Variants in TFDP1 observed in about 807,000 individuals in gnomAD.
The protein encoded by TFDP1 is DRTF1-polypeptide 1.
Under a neutral mutation model 48.0 loss-of-function variants are expected in TFDP1, and 6 were observed. The ratio of observed to expected loss-of-function variants is 0.13; its 90% CI spans 0.07 to 0.25. The LOEUF (loss-of-function observed/expected upper bound fraction) is 0.25. Among genes scored for constraint, TFDP1 ranks in the 10% least tolerant of loss-of-function variants. The pLI, the probability that TFDP1 is intolerant of heterozygous loss-of-function variation, is 1.00. For missense variants in TFDP1, 335 were observed against 543.0 expected (o/e 0.62, Z 3.81); for synonymous variants, 201 against 211.6 (o/e 0.95, Z 0.44).
At chr13:113,637,319 GA>G in intron 10 of TFDP1, 1 of 286,792 alleles carries the variant, frequency 3.5e-6, no homozygotes, top group Non-Finnish European at 6.8e-6. Flanking sequence ...TTTATTCCCT[GA>G]GAGGGTCAGA....
At chr13:113,592,269 C>T (rs1229308289) in intron 2 of TFDP1, among the ~76,000 whole-genome samples, 2 of 152,206 alleles carry the variant, frequency 1.3e-5, no homozygotes, top group African/African-American at 4.8e-5. Context: ...GATTCTCTGA[C>T]CTCAGCCTCC....
rs773766047 is a variant in TFDP1 at position 113,611,086 on chromosome 13, A to G, written c.79+24A>G. The G allele has an allele frequency of 7.4e-5, 118 of 1,601,260 alleles. No individual in the cohort carries two copies. In the Admixed American group the frequency reaches 1.9e-3, roughly 26 times the overall value. On this transcript the variant is annotated intron_variant, in intron 3 of 11. Transcript: ENST00000375370. ...AGGTAAGGGCACCTGTTCTGGACAC[A>G]CTCTTGTGTTGATGAATGCATGAAG...
chr13:113,611,995 T>A (rs1399763347), intron 3 of TFDP1, among the ~76,000 whole-genome samples: 1 of 152,176 alleles, frequency 6.6e-6, no homozygotes, highest in Non-Finnish European at 1.5e-5. Context: ...AAAGGAACCT[T>A]AAGATTTTTC....
intron 1 of TFDP1, chr13:113,585,477 C>T: frequency 5.2e-6 from 1 of 190,480 alleles, no homozygotes; most frequent in South Asian, 1.2e-4. Flanking sequence ...GCGCTGCGCC[C>T]TGGCTCCTGG....
intron 4 of TFDP1, among the ~76,000 whole-genome samples, chr13:113,625,327 G>C (rs1366497713): frequency 4.6e-4 from 57 of 125,032 alleles, no homozygotes; most frequent in African/African-American, 1.9e-3. Context: ...TGTTTCTCAG[G>C]CGTCTCTCAC....
chr13:113,597,766 G>C (rs1215506059), intron 2 of TFDP1, among the ~76,000 whole-genome samples: 4 of 152,258 alleles, frequency 2.6e-5, no homozygotes, highest in African/African-American at 9.6e-5. Flanking sequence ...ATCAGAGCTG[G>C]AGGGACGGCC....
intron 2 of TFDP1, among the ~76,000 whole-genome samples, chr13:113,601,469 G>C (rs551541929): frequency 7.1e-6 from 1 of 140,948 alleles, no homozygotes; most frequent in East Asian, 2.1e-4. Flanking sequence ...GGTCAGAGTC[G>C]GTCTCTTGAG....
chr13:113,587,609 C>A (rs1050855043), intron 2 of TFDP1, among the ~76,000 whole-genome samples: 1 of 151,688 alleles, frequency 6.6e-6, no homozygotes, highest in Non-Finnish European at 1.5e-5. Flanking sequence ...CTCAGCCTCC[C>A]GAGAAGCTAG....
Position 113,601,374 on chromosome 13 carries a change from T to C in TFDP1, c.13-9622T>C, listed in dbSNP as rs12017731. 6.1e-4 allele frequency among the ~76,000 whole-genome samples: 32 copies of C among 52,142 alleles called. No individual in the cohort carries two copies. In the African/African-American group the frequency reaches 7.0e-3, roughly 11 times the overall value. The allele number at this position is 52,142 out of a possible 152,430, so 34.2% of individuals were successfully genotyped here. On this transcript the variant is annotated intron_variant, in intron 2 of 11. Coordinates refer to ENST00000375370, the MANE Select transcript of TFDP1 (RefSeq NM_007111.5). ...GTGGGATCCCGCTCCTTGTGGGCTG[T>C]TGGTGGGGGTGTGTTCTTGCACTTT...
chr13:113,635,005 A>C (rs551581670), intron 8 of TFDP1, among the ~76,000 whole-genome samples: 8 of 152,344 alleles, frequency 5.3e-5, no homozygotes, highest in African/African-American at 7.2e-5. Flanking sequence ...GGATGACTTC[A>C]TGCAAAAGCA....
In TFDP1 at chr13:113,636,087, C is replaced by T. The variant is rs2049479313; in HGVS notation, c.798C>T (p.Thr266=). ...VIHLPFIIVN[T]SKKTVIDCSI... Reference sequence around the variant, plus strand: ...ACCTGCCCTTCATCATCGTCAACACCAGCAAGAAGACGGTCATCGACTGCA... The same window carrying T: ...ACCTGCCCTTCATCATCGTCAACACTAGCAAGAAGACGGTCATCGACTGCA... The change falls in exon 9 of 12, where the codon ACC becomes ACT. Residue 266 remains threonine, a synonymous_variant. Transcript: ENST00000375370. The T allele has an allele frequency of 6.2e-7, 1 of 1,614,218 alleles. No homozygotes were observed. Among genetic ancestry groups the T allele is most frequent in the Middle Eastern group, 1.7e-4 (1 of 6,060 alleles).
chr13:113,622,578 T>G (rs1317476452), intron 3 of TFDP1, among the ~76,000 whole-genome samples: 1 of 152,230 alleles, frequency 6.6e-6, no homozygotes, highest in Admixed American at 6.5e-5. Flanking sequence ...TTCCAGGACT[T>G]TTATCCACCG....
chr13:113,640,289 G>A lies in TFDP1; in HGVS notation c.*22G>A, dbSNP rs113220010. 77 of 1,602,420 alleles carry A rather than the reference G, an allele frequency of 4.8e-5. No individual in the cohort carries two copies. The African/African-American group carries it at 5.8e-4, about 12-fold the overall frequency. ...CTGACGTCCTCCCCACTTCAGATTCGGCTTCAGGAAAACGTTTAGCGAAAA... is the reference window on the plus strand; with the variant it reads ...CTGACGTCCTCCCCACTTCAGATTCAGCTTCAGGAAAACGTTTAGCGAAAA... On this transcript the variant is annotated 3_prime_UTR_variant, in exon 12 of 12. Coordinates refer to ENST00000375370, the MANE Select transcript of TFDP1 (RefSeq NM_007111.5).
chr13:113,624,244 A>C (rs4494444), intron 4 of TFDP1, among the ~76,000 whole-genome samples: 75,035 of 151,910 alleles, frequency 0.49, 21,203 homozygotes, highest in African/African-American at 0.78. Context: ...AGTCCTCTTA[A>C]AAGGATTGAA....
Position 113,623,550 on chromosome 13 carries a change from G to A in TFDP1, c.186+264G>A, listed in dbSNP as rs1331174792. On this transcript the variant is annotated intron_variant, in intron 4 of 11. Coordinates refer to ENST00000375370, the MANE Select transcript of TFDP1 (RefSeq NM_007111.5). This position sits in a 1 kb window ranked among gnomAD's most constrained non-coding sequence, Gnocchi z 5.2. ...ATGCCATCCTTCCAGTAACTGGAGGGTGGTGGGTGGGGCCGCGGCCCCAAC... is the reference window on the plus strand; with the variant it reads ...ATGCCATCCTTCCAGTAACTGGAGGATGGTGGGTGGGGCCGCGGCCCCAAC... 2.0e-5 allele frequency among the ~76,000 whole-genome samples: 3 copies of A among 152,096 alleles called. No individual in the cohort carries two copies. The highest frequency in any genetic ancestry group is 4.4e-5 in the Non-Finnish European group (3 of 68,012).
intron 2 of TFDP1, among the ~76,000 whole-genome samples, chr13:113,589,345 C>A (rs541552498): frequency 6.6e-6 from 1 of 152,146 alleles, no homozygotes; most frequent in Non-Finnish European, 1.5e-5. Context: ...CCAGCAGGAG[C>A]GCTGGCATAG....
chr13:113,587,034 A>G lies in TFDP1; in HGVS notation c.12+1185A>G, dbSNP rs868542299. 5.9e-5 allele frequency among the ~76,000 whole-genome samples: 9 copies of G among 152,320 alleles called. No individual in the cohort carries two copies. The South Asian group carries it at 1.0e-3, about 18-fold the overall frequency. Reference sequence around the variant, plus strand: ...AGGAGCTGGACCCAGGGCCTCGGTTAGAGCACGCTTCTGGTGTTGTGTGGT... The same window carrying G: ...AGGAGCTGGACCCAGGGCCTCGGTTGGAGCACGCTTCTGGTGTTGTGTGGT... On this transcript the variant is annotated intron_variant, in intron 2 of 11. Transcript: ENST00000375370.
At chr13:113,587,647 G>A (rs2048038798) in intron 2 of TFDP1, among the ~76,000 whole-genome samples, 1 of 151,788 alleles carries the variant, frequency 6.6e-6, no homozygotes, top group Admixed American at 6.6e-5. Context: ...ACCATGCCTG[G>A]CAAATTTTTT....
At chr13:113,624,992 TC>T (rs1421085101) in intron 4 of TFDP1, among the ~76,000 whole-genome samples, 25 of 124,786 alleles carry the variant, frequency 2.0e-4, no homozygotes, top group African/African-American at 7.1e-4. Flanking sequence ...CTCAGGTGTC[TC>T]TCACGTGTCC....
Sources: allele counts gnomAD v4.1 joint callset (sites outside exome capture counted in the v4.1 genomes callset), GRCh38; gene constraint gnomAD v4.1.1; non-coding constraint Gnocchi (gnomAD v3.1); transcripts MANE v1.5; gene names NCBI Gene and HGNC (gene_info 2026-07-23, HGNC 2026-07-21).